Variants in FRMD6 observed in about 807,000 individuals in gnomAD.
FRMD6 encodes the protein FERM domain containing 6.
In FRMD6, 37 loss-of-function variants were observed where a neutral mutation model predicts 73.2. The ratio of observed to expected loss-of-function variants is 0.51; its 90% CI spans 0.39 to 0.66. FRMD6 has a LOEUF of 0.66. FRMD6 is among the 30% of genes least tolerant of loss of function. FRMD6 has a pLI of 0.00. For synonymous variants in FRMD6, 273 were observed against 282.2 expected (o/e 0.97, Z 0.33); for missense variants, 714 against 780.5 (o/e 0.91, Z 1.02).
intron 1 of FRMD6, among the ~76,000 whole-genome samples, chr14:51,549,685 C>T (rs1479309120): frequency 5.6e-5 from 8 of 141,736 alleles, no homozygotes; most frequent in Non-Finnish European, 7.8e-5. Flanking sequence ...AGGCTCCGCC[C>T]CCCAGGTTCA....
chr14:51,657,885 A>C (rs928838967), intron 1 of FRMD6, among the ~76,000 whole-genome samples: 1 of 152,188 alleles, frequency 6.6e-6, no homozygotes, highest in Non-Finnish European at 1.5e-5. Context: ...GGTGACATCT[A>C]GCCAGCCCCA....
intron 1 of FRMD6, among the ~76,000 whole-genome samples, chr14:51,551,443 T>A (rs1264834863): frequency 6.6e-6 from 1 of 152,160 alleles, no homozygotes; most frequent in African/African-American, 2.4e-5. Flanking sequence ...GCCTTTTAAT[T>A]TTTATATATG....
chr14:51,593,544 G>A (rs1481621084), intron 2 of FRMD6, among the ~76,000 whole-genome samples: 2 of 152,190 alleles, frequency 1.3e-5, no homozygotes, highest in Admixed American at 6.5e-5. Context: ...GCTGCTGCAC[G>A]TATATTCCTG....
chr14:51,420,225 T>G, the FRMD6 span, among the ~76,000 whole-genome samples: 1 of 152,328 alleles, frequency 6.6e-6, no homozygotes, highest in East Asian at 1.9e-4. Flanking sequence ...AGAAATATAC[T>G]TCTATTATGT....
intron 7 of FRMD6, among the ~76,000 whole-genome samples, chr14:51,709,481 A>C (rs1896820749): frequency 6.6e-6 from 1 of 152,170 alleles, no homozygotes; most frequent in South Asian, 2.1e-4. Flanking sequence ...GACCATTGGA[A>C]ACTGGGCTTT....
At chr14:51,639,098 CA>C (rs1259973033) in intron 2 of FRMD6, among the ~76,000 whole-genome samples, 29 of 151,670 alleles carry the variant, frequency 1.9e-4, no homozygotes, top group Admixed American at 1.8e-3. Context: ...CATTTTTTGC[CA>C]CAGGACTTTT....
intron 1 of FRMD6, among the ~76,000 whole-genome samples, chr14:51,497,503 A>G (rs554247793): frequency 6.6e-6 from 1 of 152,268 alleles, no homozygotes; most frequent in Admixed American, 6.5e-5. Context: ...TCTCCACACT[A>G]ATGTTACAAT....
At chr14:51,506,183 A>C (rs1220548414) in intron 1 of FRMD6, among the ~76,000 whole-genome samples, 2 of 152,078 alleles carry the variant, frequency 1.3e-5, no homozygotes, top group African/African-American at 2.4e-5. Context: ...TTTCTTCACC[A>C]TTCCATCAGA....
intron 1 of FRMD6, among the ~76,000 whole-genome samples, chr14:51,652,672 T>C (rs1248416526): frequency 4.6e-5 from 7 of 152,150 alleles, no homozygotes; most frequent in Non-Finnish European, 8.8e-5. Context: ...CTGGGTGAGA[T>C]ACGAGTTGGG....
the FRMD6 span, among the ~76,000 whole-genome samples, chr14:51,471,373 C>G: frequency 6.6e-6 from 1 of 151,990 alleles, no homozygotes; most frequent in Non-Finnish European, 1.5e-5. Flanking sequence ...TGGTGGCAGG[C>G]GCCTGTAGTC....
chr14:51,644,353 T>TCACACACACACACACACA (rs375341468), intron 2 of FRMD6, among the ~76,000 whole-genome samples: 4 of 142,168 alleles, frequency 2.8e-5, no homozygotes, highest in Admixed American at 7.1e-5. Flanking sequence ...GCCTCACCCT[T>TCACACACACACACACACA]CACACACACA....
chr14:51,568,532 C>T lies in FRMD6; in HGVS notation c.-209-1816C>T, dbSNP rs920606063. 6.6e-5 allele frequency among the ~76,000 whole-genome samples: 10 copies of T among 152,334 alleles called. No homozygotes were observed. The South Asian group carries it at 8.3e-4, about 13-fold the overall frequency. On this transcript the variant is annotated intron_variant, in intron 1 of 14. Coordinates refer to the FRMD6 transcript ENST00000356218. ...ACTGCAAGAAACTTTTTGCCTTGTA[C>T]TGGCCTGTTAAAGTTATCTCTCTGT...
At chr14:51,601,012 A>G (rs1225496285) in intron 2 of FRMD6, among the ~76,000 whole-genome samples, 2 of 152,264 alleles carry the variant, frequency 1.3e-5, no homozygotes, top group Non-Finnish European at 2.9e-5. Flanking sequence ...AGCAATTTTT[A>G]GAACATAGAG....
At chr14:51,608,417 A>T (rs1048701896) in intron 2 of FRMD6, among the ~76,000 whole-genome samples, 5 of 152,142 alleles carry the variant, frequency 3.3e-5, no homozygotes, top group Non-Finnish European at 5.9e-5. Context: ...CAACTTTATA[A>T]GGTTTTGTGA....
At chr14:51,693,750 G>C (rs1895762052) in intron 2 of FRMD6, among the ~76,000 whole-genome samples, 1 of 152,062 alleles carries the variant, frequency 6.6e-6, no homozygotes, top group African/African-American at 2.4e-5. Flanking sequence ...ATCCCATGTA[G>C]GCCTGCAAGA....
At chr14:51,584,729 C>A (rs1888924679) in intron 2 of FRMD6, among the ~76,000 whole-genome samples, 1 of 151,784 alleles carries the variant, frequency 6.6e-6, no homozygotes, top group South Asian at 2.1e-4. Flanking sequence ...CCTGGCCTTT[C>A]CTTTTCTTAG....
At chr14:51,591,247 AC>A (rs1244553731) in intron 2 of FRMD6, among the ~76,000 whole-genome samples, 2 of 148,932 alleles carry the variant, frequency 1.3e-5, no homozygotes, top group Non-Finnish European at 2.9e-5. Context: ...TGTTGAAAAC[AC>A]ACAGAAGAAG....
chr14:51,524,980 A>G (rs1438645708), intron 1 of FRMD6, among the ~76,000 whole-genome samples: 1 of 146,538 alleles, frequency 6.8e-6, no homozygotes, highest in Non-Finnish European at 1.5e-5. Context: ...GTATCTCTCT[A>G]TTAAAAAACA....
At position 51,572,722 on chromosome 14, in the gene FRMD6, A is replaced by G. The variant is rs569260118; in HGVS notation, c.-147+2312A>G. The stretch of plus-strand genomic sequence containing the variant: ...TGAATCATTTACTTTATAAAGACTT[A>G]TTAAAAACGAATGCCTAAGATGGTT... On this transcript the variant is annotated intron_variant, in intron 2 of 14. Coordinates refer to the FRMD6 transcript ENST00000356218. 3.2e-4 allele frequency among the ~76,000 whole-genome samples: 49 copies of G among 152,354 alleles called. 2 individuals carry two copies. The South Asian group carries it at 9.3e-3, about 29-fold the overall frequency.
Sources: allele counts gnomAD v4.1 joint callset (sites outside exome capture counted in the v4.1 genomes callset), GRCh38; gene constraint gnomAD v4.1.1; transcripts MANE v1.5; gene names NCBI Gene and HGNC (gene_info 2026-07-23, HGNC 2026-07-21).